Variants in EGFR observed in about 807,000 individuals in gnomAD.
EGFR encodes the protein epidermal growth factor receptor, also known as avian erythroblastic leukemia viral (v-erb-b) oncogene homolog.
EGFR carries 58 observed loss-of-function variants against 143.0 expected under a neutral mutation model. The observed-to-expected ratio is 0.41, with a 90% CI of 0.33 to 0.50. EGFR has a LOEUF of 0.50. Among genes scored for constraint, EGFR ranks in the 20% least tolerant of loss-of-function variants. The pLI is 0.39. For synonymous variants in EGFR, 613 were observed against 594.4 expected, an observed-to-expected ratio of 1.03 and a Z score of -0.45; for missense variants, 1,307 against 1,579.0, an observed-to-expected ratio of 0.83 and a Z score of 2.92.
chr7:55,084,036 A>T (rs1468427096), intron 1 of EGFR, among the ~76,000 whole-genome samples: 1 of 152,236 alleles, frequency 6.6e-6, no homozygotes, highest in African/African-American at 2.4e-5. Flanking sequence ...TCCTGAGTGG[A>T]AGAAAGGTGG....
rs370498791 is a variant in EGFR at position 55,206,105 on chromosome 7, C to G, written c.*488C>G. ...CAGAGGATGCTTGATTCCAGTGGTT[C>G]TGCTTCAAGGCTTCCACTGCAAAAC... On this transcript the variant is annotated 3_prime_UTR_variant, in exon 28 of 28. Coordinates refer to ENST00000275493, the MANE Select transcript of EGFR (RefSeq NM_005228.5). 3.1e-6 allele frequency: 1 copy of G among 319,358 alleles called. No individual in the cohort carries two copies. 19.8% of individuals were successfully genotyped at this position (319,358 alleles called of 1,614,324 possible). A position where few individuals can be genotyped will look rare whatever the true frequency, so the allele number is the denominator to read the frequency against.
chr7:55,163,568 C>T (rs1412344780), intron 13 of EGFR, among the ~76,000 whole-genome samples, 165 bp from the exon 14 acceptor site: 1 of 152,202 alleles, frequency 6.6e-6, no homozygotes, highest in East Asian at 1.9e-4. Flanking sequence ...GAGAAGATGA[C>T]CCAGGATTCA....
At chr7:55,150,621 C>G (rs1269447094) in intron 4 of EGFR, among the ~76,000 whole-genome samples, 1 of 152,192 alleles carries the variant, frequency 6.6e-6, no homozygotes, top group African/African-American at 2.4e-5. Context: ...AGATATAGCA[C>G]TTCGACCTTC....
intron 1 of EGFR, among the ~76,000 whole-genome samples, chr7:55,096,339 G>T (rs1174651991): frequency 1.3e-5 from 2 of 152,198 alleles, no homozygotes; most frequent in African/African-American, 2.4e-5. Flanking sequence ...TAAGAATTCC[G>T]TGATGTGTAC....
At chr7:55,065,012 C>T (rs1789415733) in intron 1 of EGFR, among the ~76,000 whole-genome samples, 1 of 152,220 alleles carries the variant, frequency 6.6e-6, no homozygotes, top group Non-Finnish European at 1.5e-5. Flanking sequence ...AATCAGAAGG[C>T]ACACTATAGT....
At chr7:55,101,621 C>T (rs1307289726) in intron 1 of EGFR, among the ~76,000 whole-genome samples, 2 of 152,198 alleles carry the variant, frequency 1.3e-5, no homozygotes, top group Non-Finnish European at 2.9e-5. Context: ...GCTGCCCTGA[C>T]CTGTCCGCTT....
intron 1 of EGFR, among the ~76,000 whole-genome samples, chr7:55,039,795 C>T (rs1182756505): frequency 6.6e-6 from 1 of 152,182 alleles, no homozygotes; most frequent in African/African-American, 2.4e-5. Context: ...ACTGTGATCC[C>T]AGACAGGCAA....
At chr7:55,099,446 G>A (rs1791672018) in intron 1 of EGFR, among the ~76,000 whole-genome samples, 1 of 152,230 alleles carries the variant, frequency 6.6e-6, no homozygotes, top group South Asian at 2.1e-4. Flanking sequence ...CCCTGATGAG[G>A]ACAATGTCCT....
chr7:55,170,450 T>G lies in EGFR; in HGVS notation c.1881-725T>G, dbSNP rs1292664036. 5 of 1,614,166 alleles carry G rather than the reference T, an allele frequency of 3.1e-6. No homozygotes were observed. The East Asian group carries it at 6.7e-5, about 22-fold the overall frequency. ...TGCTTAGGATGGATCCCTTCTCTTC[T>G]GCCGTCAGAGTTTCAGCTGGGTTGG... is the stretch of plus-strand genomic sequence containing the variant. On this transcript the variant is annotated intron_variant, in intron 15 of 27. Transcript: ENST00000275493.
chr7:55,156,612 C>T lies in EGFR; in HGVS notation c.1086C>T (p.Cys362=), dbSNP rs547057636. Residue 362 remains cysteine (C), a synonymous_variant, in exon 9 of 28, where the codon TGC becomes TGT. Coordinates refer to ENST00000275493, the MANE Select transcript of EGFR (RefSeq NM_005228.5). ...CGAATATTAAACACTTCAAAAACTG[C>T]ACCTCCATCAGTGGCGATCTCCACA... The part of the protein sequence containing the change: ...NATNIKHFKN[C]TSISGDLHIL... 6.2e-6 allele frequency: 10 copies of T among 1,614,190 alleles called. No homozygotes were observed. The highest frequency in any genetic ancestry group is 1.3e-5 in the African/African-American group (1 of 75,016).
intron 1 of EGFR, among the ~76,000 whole-genome samples, chr7:55,130,249 C>T (rs1051453078): frequency 6.6e-6 from 1 of 152,204 alleles, no homozygotes; most frequent in African/African-American, 2.4e-5. Flanking sequence ...CATCTAATGT[C>T]AAGTGCCTAC....
intron 1 of EGFR, among the ~76,000 whole-genome samples, chr7:55,046,463 G>A (rs372869471): frequency 3.3e-5 from 5 of 152,166 alleles, no homozygotes. Flanking sequence ...CTGACCTTGT[G>A]TATGGGCTGC....
At chr7:55,170,439 C>T (rs1418426625) in intron 15 of EGFR, 1 of 1,614,166 alleles carries the variant, frequency 6.2e-7, no homozygotes, top group East Asian at 2.2e-5. Context: ...TAGGATGGAT[C>T]CCTTCTCTTC....
chr7:55,038,116 C>G (rs915068861), intron 1 of EGFR, among the ~76,000 whole-genome samples: 2 of 151,970 alleles, frequency 1.3e-5, no homozygotes, highest in African/African-American at 4.8e-5. Flanking sequence ...GATAGGAAAG[C>G]GGGGGGGTGG....
At chr7:55,031,448 C>G (rs2128863332) in intron 1 of EGFR, among the ~76,000 whole-genome samples, 1 of 152,334 alleles carries the variant, frequency 6.6e-6, no homozygotes, top group Non-Finnish European at 1.5e-5. Flanking sequence ...GAGTTGCCTA[C>G]TTTTTCACTT....
intron 1 of EGFR, among the ~76,000 whole-genome samples, chr7:55,025,023 G>C (rs566138118): frequency 6.6e-6 from 1 of 152,180 alleles, no homozygotes; most frequent in Non-Finnish European, 1.5e-5. Flanking sequence ...CACAAGCAGT[G>C]CCAATAGCAG....
intron 1 of EGFR, among the ~76,000 whole-genome samples, chr7:55,056,243 G>A (rs1001578583): frequency 2.0e-5 from 3 of 152,142 alleles, no homozygotes; most frequent in Non-Finnish European, 4.4e-5. Context: ...TGGATAGTGA[G>A]CCTCTGTGTA....
In EGFR at chr7:55,201,180, T is replaced by C. The variant is rs1787830332; in HGVS notation, c.2947-8T>C. The C allele has an allele frequency of 6.2e-7, 1 of 1,614,042 alleles. No homozygotes were observed. Among genetic ancestry groups the C allele is most frequent in the African/African-American group, 1.3e-5 (1 of 74,916 alleles). On this transcript the variant is annotated splice_polypyrimidine_tract_variant and splice_region_variant and intron_variant, in intron 24 of 27. Transcript: ENST00000275493. ...GCCATTCTAATAGCCTCAAAATCTC[T>C]GCACCAGGGGGATGAAAGAATGCAT...
intron 1 of EGFR, among the ~76,000 whole-genome samples, chr7:55,072,558 C>A (rs888489559): frequency 4.6e-5 from 7 of 152,292 alleles, no homozygotes; most frequent in Middle Eastern, 3.4e-3. Flanking sequence ...ATGCCGTTCC[C>A]TTTTTTAGGG....
Sources: gnomAD v4.1 joint callset for allele counts (sites outside exome capture counted in the v4.1 genomes callset) on GRCh38, gnomAD v4.1.1 for gene constraint, MANE v1.5 for transcripts, NCBI Gene and HGNC (gene_info 2026-07-23, HGNC 2026-07-21) for gene names.